SIPA1L2: variants seen among roughly 807,000 people sequenced by gnomAD.
SIPA1L2 encodes signal-induced proliferation-associated 1-like protein 2.
A neutral mutation model predicts 163.9 loss-of-function variants in SIPA1L2; 56 were observed. The ratio of observed to expected loss-of-function variants is 0.34; its 90% CI spans 0.28 to 0.43. The LOEUF (loss-of-function observed/expected upper bound fraction) is 0.43. SIPA1L2 is among the 20% of genes least tolerant of loss of function. The pLI is 1.00. For missense variants in SIPA1L2, 1,974 were observed against 2,193.5 expected, an observed-to-expected ratio of 0.90 and a Z score of 2.00; for synonymous variants, 877 against 865.7, an observed-to-expected ratio of 1.01 and a Z score of -0.23.
At chr1:232,405,364 T>C (rs1660576398) in intron 19 of SIPA1L2, among the ~76,000 whole-genome samples, 1 of 152,236 alleles carries the variant, frequency 6.6e-6, no homozygotes, top group South Asian at 2.1e-4. Context: ...ATGATAAACA[T>C]TCTATAACTA....
In SIPA1L2 at chr1:232,402,641, C is replaced by G; in HGVS notation, c.4941-168G>C. 5.8e-6 allele frequency: 3 copies of G among 518,908 alleles called. 1 individual carries two copies. The South Asian group carries it at 7.2e-5, about 12-fold the overall frequency. 32.1% of individuals were successfully genotyped at this position (518,908 alleles called of 1,614,324 possible). ...TCCATATTGCTGATCTAGTGGAAAG[C>G]CCATTCTGGGACTTTACTGATTTAA... On this transcript the variant is annotated intron_variant, in intron 21 of 22. Coordinates refer to ENST00000674635, the MANE Select transcript of SIPA1L2 (RefSeq NM_020808.5).
intron 2 of SIPA1L2, among the ~76,000 whole-genome samples, chr1:232,522,618 C>T (rs964698828): frequency 2.0e-5 from 3 of 151,886 alleles, no homozygotes; most frequent in Admixed American, 1.3e-4. Context: ...GGCATATGGA[C>T]CCTCGGCAAA....
intron 3 of SIPA1L2, among the ~76,000 whole-genome samples, chr1:232,501,229 A>G (rs1168080729): frequency 4.0e-5 from 6 of 151,886 alleles, no homozygotes; most frequent in Non-Finnish European, 8.8e-5. Flanking sequence ...GGCTAATGCA[A>G]TGAAGCATTT....
At chr1:232,399,294 C>A (rs1397862363) in intron 22 of SIPA1L2, 21 bp from the exon 23 acceptor site, 1 of 1,611,200 alleles carries the variant, frequency 6.2e-7, no homozygotes, top group Non-Finnish European at 8.5e-7. Context: ...CAGAAATAAA[C>A]TGAGTCATGG....
chr1:232,436,828 T>G (rs1345671130), intron 15 of SIPA1L2, among the ~76,000 whole-genome samples: 1 of 152,222 alleles, frequency 6.6e-6, no homozygotes, highest in Non-Finnish European at 1.5e-5. Flanking sequence ...AAAGATTTCA[T>G]TCAATGACTG....
chr1:232,521,831 T>A (rs1039853401), intron 2 of SIPA1L2, among the ~76,000 whole-genome samples: 1 of 152,156 alleles, frequency 6.6e-6, no homozygotes, highest in African/African-American at 2.4e-5. Flanking sequence ...TTTTATACAT[T>A]CCCTTGTGCC....
intron 1 of SIPA1L2, among the ~76,000 whole-genome samples, chr1:232,605,938 G>A (rs1661894874): frequency 6.6e-6 from 1 of 152,162 alleles, no homozygotes. Context: ...AGACAATGCT[G>A]TAGCACACAC....
intron 1 of SIPA1L2, among the ~76,000 whole-genome samples, chr1:232,617,247 G>A (rs571513612): frequency 3.3e-5 from 5 of 152,326 alleles, no homozygotes; most frequent in South Asian, 4.1e-4. Flanking sequence ...AGCCAGGCCC[G>A]CAGCAAGTGT....
chr1:232,558,640 AT>A (rs562078737), intron 2 of SIPA1L2, among the ~76,000 whole-genome samples: 12 of 150,950 alleles, frequency 7.9e-5, no homozygotes, highest in East Asian at 1.9e-4. Flanking sequence ...CCCCAAACAA[AT>A]TTTTTTTTTA....
intron 15 of SIPA1L2, among the ~76,000 whole-genome samples, chr1:232,437,586 T>C (rs1421305221): frequency 6.6e-6 from 1 of 152,182 alleles, no homozygotes; most frequent in Non-Finnish European, 1.5e-5. Context: ...GTCCTGCTTC[T>C]CTTCTGGGGC....
Position 232,461,473 on chromosome 1 carries a change from C to A in SIPA1L2, c.2821-312G>T, listed in dbSNP as rs1292024674. On this transcript the variant is annotated intron_variant, in intron 9 of 22. Transcript: ENST00000674635. The stretch of plus-strand genomic sequence containing the variant: ...TCCTGCTTTCTTAGATGTCACTGAC[C>A]CAGAGCTTGAGAGCTTCAGATGGGC... 2.6e-5 allele frequency among the ~76,000 whole-genome samples: 4 copies of A among 152,144 alleles called. No individual in the cohort carries two copies. In the East Asian group the frequency reaches 7.7e-4, roughly 29 times the overall value.
chr1:232,509,845 G>T (rs1443698380), intron 3 of SIPA1L2, among the ~76,000 whole-genome samples: 1 of 152,234 alleles, frequency 6.6e-6, no homozygotes, highest in Non-Finnish European at 1.5e-5. Flanking sequence ...GCAGGACACA[G>T]TTCACAGCTG....
At chr1:232,419,944 A>G (rs543646956) in intron 18 of SIPA1L2, among the ~76,000 whole-genome samples, 1 of 152,336 alleles carries the variant, frequency 6.6e-6, no homozygotes, top group African/African-American at 2.4e-5. Flanking sequence ...AACTAGTAAG[A>G]CACAAGTTCT....
intron 19 of SIPA1L2, among the ~76,000 whole-genome samples, chr1:232,411,022 A>G (rs1013160614): frequency 6.6e-6 from 1 of 152,196 alleles, no homozygotes; most frequent in African/African-American, 2.4e-5. Context: ...TTTTCTGGGT[A>G]AATAAAGAGC....
chr1:232,524,418 G>C (rs1667597686), intron 2 of SIPA1L2, among the ~76,000 whole-genome samples: 1 of 152,206 alleles, frequency 6.6e-6, no homozygotes, highest in Admixed American at 6.5e-5. Context: ...TGTCCCACAT[G>C]CTACAGACAG....
At chr1:232,479,139 G>C (rs559404358) in intron 7 of SIPA1L2, among the ~76,000 whole-genome samples, 1 of 152,284 alleles carries the variant, frequency 6.6e-6, no homozygotes, top group African/African-American at 2.4e-5. Context: ...AGTGGCTGTA[G>C]TCAAAGCATG....
rs779888789 is a variant in SIPA1L2, at chr1:232,603,216, C to T, written c.-319+26653G>A. 1.2e-4 allele frequency among the ~76,000 whole-genome samples: 18 copies of T among 152,076 alleles called. No individual in the cohort carries two copies. The Middle Eastern group carries it at 0.01, about 87-fold the overall frequency. ...AGATCTGGGGGGAAGACAACAGATC[C>T]GGAAAGGATTTATTTACTGTGAAAT... On this transcript the variant is annotated intron_variant, in intron 1 of 22. Coordinates refer to ENST00000674635, the MANE Select transcript of SIPA1L2 (RefSeq NM_020808.5).
At chr1:232,601,694 C>A (rs1661601240) in intron 1 of SIPA1L2, among the ~76,000 whole-genome samples, 1 of 152,092 alleles carries the variant, frequency 6.6e-6, no homozygotes, top group African/African-American at 2.4e-5. Flanking sequence ...TTCCACACCC[C>A]CAACACACCA....
chr1:232,534,798 T>C (rs1366905775), intron 2 of SIPA1L2, among the ~76,000 whole-genome samples: 2 of 152,200 alleles, frequency 1.3e-5, no homozygotes, highest in Non-Finnish European at 2.9e-5. Context: ...CATTCCAGCA[T>C]CTACATCCAG....
Sources: allele counts gnomAD v4.1 joint callset (sites outside exome capture counted in the v4.1 genomes callset), GRCh38; gene constraint gnomAD v4.1.1; transcripts MANE v1.5; gene names NCBI Gene and HGNC (gene_info 2026-07-23, HGNC 2026-07-21).